The following PARP16 variants were observed in gnomAD, a reference collection of about 807,000 sequenced individuals.
The protein encoded by PARP16 is protein mono-ADP-ribosyltransferase PARP16.
PARP16 carries 31 observed loss-of-function variants against 35.0 expected under a neutral mutation model. That is an observed-to-expected ratio of 0.88 (90% CI 0.66 to 1.19). The LOEUF is 1.19. PARP16 is among the 50% of genes most tolerant of loss of function. PARP16 has a pLI of 0.00. For synonymous variants in PARP16, 162 were observed against 169.5 expected, an observed-to-expected ratio of 0.96 and a Z score of 0.34; for missense variants, 424 against 411.2, an observed-to-expected ratio of 1.03 and a Z score of -0.27.
chr15:65,236,769 G>A (rs538031785), intron 3 of PARP16, among the ~76,000 whole-genome samples: 27 of 152,210 alleles, frequency 1.8e-4, no homozygotes, highest in African/African-American at 5.3e-4. Flanking sequence ...TCAAGAGATC[G>A]AGACCATCCT....
chr15:65,235,584 G>A (rs1339766448), intron 3 of PARP16, among the ~76,000 whole-genome samples: 1 of 142,670 alleles, frequency 7.0e-6, no homozygotes, highest in Non-Finnish European at 1.5e-5. Flanking sequence ...TGGGCAGTTT[G>A]TTTGAGCCCA....
In PARP16 at chr15:65,273,981, C is replaced by T. The variant is rs563957708; in HGVS notation, c.175-2909G>A. On this transcript the variant is annotated intron_variant, in intron 1 of 5. Transcript: ENST00000649807. Reference sequence around the variant, plus strand: ...GAAAAAATTTTTTTGGAGACAGGGTCACGCTCTGTTGCCCAGGCTGGAGTG... The same window carrying T: ...GAAAAAATTTTTTTGGAGACAGGGTTACGCTCTGTTGCCCAGGCTGGAGTG... Among the ~76,000 whole-genome samples, 12 of 152,108 alleles carry T rather than the reference C, an allele frequency of 7.9e-5. No homozygotes were observed. The South Asian group carries it at 2.5e-3, about 32-fold the overall frequency.
chr15:65,283,283 T>A (rs8029380), intron 1 of PARP16, among the ~76,000 whole-genome samples: 42,365 of 151,466 alleles, frequency 0.28, 6,134 homozygotes, highest in Admixed American at 0.33. Context: ...TTTTTTTTTT[T>A]AAAAAAAGCT....
chr15:65,266,817 G>A, intron 2 of PARP16, 49 bp from the exon 3 acceptor site: 1 of 1,388,750 alleles, frequency 7.2e-7, no homozygotes. Flanking sequence ...GCTGGTAAAT[G>A]TGCTGCAAAA....
chr15:65,268,592 C>A (rs7178139), intron 2 of PARP16, among the ~76,000 whole-genome samples: 2,378 of 152,288 alleles, frequency 0.016, 73 homozygotes, highest in African/African-American at 0.055. Context: ...ACTATAGGTG[C>A]AACTACTATG....
chr15:65,248,197 T>G (rs1350515696), exon 3 of PARP16: 1 of 456,508 alleles, frequency 2.2e-6, no homozygotes, highest in Non-Finnish European at 4.4e-6. Context: ...GGCTTTACTC[T>G]GGCCACAGAC....
chr15:65,260,124 AG>A (rs2089654969), intron 5 of PARP16, among the ~76,000 whole-genome samples: 1 of 152,178 alleles, frequency 6.6e-6, no homozygotes, highest in South Asian at 2.1e-4. Flanking sequence ...AAATTTGGAC[AG>A]GGGTCGGGAG....
intron 3 of PARP16, among the ~76,000 whole-genome samples, chr15:65,235,399 G>A (rs982730632): frequency 2.6e-5 from 4 of 151,968 alleles, no homozygotes; most frequent in Non-Finnish European, 5.9e-5. Flanking sequence ...ACCTAGCCAC[G>A]GATGTCACAC....
rs2089899129 is a variant in PARP16 at position 65,266,622 on chromosome 15, A to C, written c.459T>G (p.Gly153=). ...TGGAATGGAAGTTTTCTAGGCGGCT[A>C]CCATGAAATGCATAGATTAGGTCTC... is the stretch of plus-strand genomic sequence containing the variant. The part of the protein sequence containing the change: ...GERDLIYAFH[G]SRLENFHSII... Residue 153 remains glycine (G), a synonymous_variant, in exon 3 of 6, where the codon GGT becomes GGG. Coordinates refer to ENST00000649807, the MANE Select transcript of PARP16 (RefSeq NM_001316943.2). 2 of 1,614,156 alleles carry C rather than the reference A, an allele frequency of 1.2e-6. No individual in the cohort carries two copies. The highest frequency in any genetic ancestry group is 1.7e-6 in the Non-Finnish European group (2 of 1,180,022).
chr15:65,231,512 C>T (rs1317723433), downstream of PARP16, among the ~76,000 whole-genome samples: 2 of 150,784 alleles, frequency 1.3e-5, no homozygotes, highest in African/African-American at 2.4e-5. Context: ...TGCAGGGTCA[C>T]GATCTTGGCT....
At chr15:65,270,816 T>C in intron 2 of PARP16, 119 bp downstream of exon 2, 1 of 971,258 alleles carries the variant, frequency 1.0e-6, no homozygotes, top group Non-Finnish European at 1.6e-6. Flanking sequence ...ACCAGGACTC[T>C]GCATTCTCAA....
chr15:65,261,563 C>T (rs910973211), intron 4 of PARP16, among the ~76,000 whole-genome samples: 7 of 151,714 alleles, frequency 4.6e-5, no homozygotes, highest in Non-Finnish European at 1.0e-4. Context: ...TCAAGCAACT[C>T]TTGTGCCTCA....
At chr15:65,240,128 G>C (rs1358225124) in intron 3 of PARP16, among the ~76,000 whole-genome samples, 1 of 147,418 alleles carries the variant, frequency 6.8e-6, no homozygotes, top group Non-Finnish European at 1.5e-5. Flanking sequence ...GACATGCTCG[G>C]CTAATGTTTT....
At chr15:65,256,675 G>A (rs1206718904), downstream of PARP16, among the ~76,000 whole-genome samples, 3 of 152,046 alleles carry the variant, frequency 2.0e-5, no homozygotes, top group East Asian at 1.9e-4. Flanking sequence ...CCAAAGTGCT[G>A]GGATTACAGG....
At chr15:65,233,057 T>C (rs2088799206), downstream of PARP16, among the ~76,000 whole-genome samples, 1 of 152,212 alleles carries the variant, frequency 6.6e-6, no homozygotes, top group Non-Finnish European at 1.5e-5. Flanking sequence ...TCACGCAAGA[T>C]GAATAAGTTC....
At chr15:65,262,715 A>G (rs1218485934) in intron 4 of PARP16, among the ~76,000 whole-genome samples, 2 of 152,156 alleles carry the variant, frequency 1.3e-5, no homozygotes, top group African/African-American at 4.8e-5. Flanking sequence ...TTGAATATCA[A>G]GTACATACCA....
chr15:65,262,131 TTTC>T (rs1212165774), intron 4 of PARP16, among the ~76,000 whole-genome samples: 2 of 149,484 alleles, frequency 1.3e-5, no homozygotes, highest in Non-Finnish European at 3.0e-5. Flanking sequence ...ATCTTTTTTC[TTTC>T]TTTTTTTTTT....
chr15:65,276,680 T>C (rs1049015359), intron 1 of PARP16, among the ~76,000 whole-genome samples: 2 of 152,166 alleles, frequency 1.3e-5, no homozygotes, highest in African/African-American at 4.8e-5. Context: ...AAATTTTTTT[T>C]AGTATAAATA....
intron 3 of PARP16, among the ~76,000 whole-genome samples, chr15:65,239,470 A>AGAG: frequency 7.2e-6 from 1 of 139,036 alleles, no homozygotes; most frequent in Non-Finnish European, 1.5e-5. Context: ...AAAGAAAAAA[A>AGAG]AAAGAAAAGA....
Sources: allele counts gnomAD v4.1 joint callset (sites outside exome capture counted in the v4.1 genomes callset), GRCh38; gene constraint gnomAD v4.1.1; transcripts MANE v1.5; gene names NCBI Gene and HGNC (gene_info 2026-07-23, HGNC 2026-07-21).